Variants in KLF8 observed in about 807,000 individuals in gnomAD.
KLF8 encodes KLF transcription factor 8, also known as Krueppel-like factor 8.
In KLF8, 10 loss-of-function variants were observed where a neutral mutation model predicts 18.2. The observed-to-expected ratio is 0.55, with a 90% CI of 0.34 to 0.93. KLF8 has a LOEUF of 0.93. KLF8 is among the 40% of genes least tolerant of loss of function. The pLI, the probability that KLF8 is intolerant of heterozygous loss-of-function variation, is 0.02. For synonymous variants in KLF8, 109 were observed against 97.3 expected, an observed-to-expected ratio of 1.12 and a Z score of -0.71; for missense variants, 264 against 277.9, an observed-to-expected ratio of 0.95 and a Z score of 0.36.
At chrX:55,962,327 A>G in the KLF8 span, 1 of 187,078 alleles carries the variant, frequency 5.3e-6, no homozygotes, top group Non-Finnish European at 1.1e-5. Context: ...CAAAATTGGC[A>G]TGTTTTGTTT....
chrX:56,198,004 T>C, the KLF8 span, among the ~76,000 whole-genome samples: 1 of 112,047 alleles, frequency 8.9e-6, no homozygotes, highest in African/African-American at 3.2e-5. Context: ...ATTATCTCAA[T>C]AGATGCAGAA....
the KLF8 span, among the ~76,000 whole-genome samples, chrX:56,099,231 C>T: frequency 8.1e-5 from 9 of 111,444 alleles, no homozygotes; most frequent in East Asian, 2.8e-4. Flanking sequence ...ATATCTGTTA[C>T]GGTGATCTGT....
intron 1 of KLF8, among the ~76,000 whole-genome samples, chrX:56,240,391 AT>A (rs2066528573): frequency 8.9e-6 from 1 of 112,126 alleles, no homozygotes; most frequent in African/African-American, 3.2e-5. Context: ...GTTACAAATT[AT>A]TTGTGGTTGC....
the KLF8 span, among the ~76,000 whole-genome samples, chrX:56,160,225 C>G: frequency 8.9e-6 from 1 of 111,816 alleles, no homozygotes; most frequent in Non-Finnish European, 1.9e-5. Flanking sequence ...ATCCTGAGTT[C>G]TAGTTTGATT....
chrX:56,176,079 A>G, the KLF8 span, among the ~76,000 whole-genome samples: 1 of 111,616 alleles, frequency 9.0e-6, no homozygotes, highest in East Asian at 2.8e-4. Flanking sequence ...TTTTAATTGG[A>G]GCATTTAGCC....
chrX:56,042,316 G>A, the KLF8 span, among the ~76,000 whole-genome samples: 1 of 111,878 alleles, frequency 8.9e-6, no homozygotes, highest in African/African-American at 3.3e-5. Context: ...TTTTTAGTAA[G>A]TGCCATGTAG....
chrX:55,944,992 A>T, the KLF8 span, among the ~76,000 whole-genome samples: 2 of 109,463 alleles, frequency 1.8e-5, no homozygotes, highest in African/African-American at 3.3e-5. Flanking sequence ...CCCTCTACAC[A>T]CTGCTTTGTA....
the KLF8 span, among the ~76,000 whole-genome samples, chrX:56,055,571 CT>C: frequency 9.0e-6 from 1 of 111,469 alleles, no homozygotes; most frequent in South Asian, 3.7e-4. Flanking sequence ...AAGTATTTTA[CT>C]GGGATTCTCT....
chrX:56,203,725 G>A, the KLF8 span, among the ~76,000 whole-genome samples: 1 of 111,675 alleles, frequency 9.0e-6, no homozygotes, highest in South Asian at 3.7e-4. Flanking sequence ...TGTCAAAAAT[G>A]ACTTCACTGT....
the KLF8 span, among the ~76,000 whole-genome samples, chrX:56,070,874 T>C: frequency 8.9e-6 from 1 of 112,856 alleles, no homozygotes; most frequent in Admixed American, 9.4e-5. Flanking sequence ...TAGTCACATG[T>C]AAGCCTGATG....
At chrX:56,057,150 G>T in the KLF8 span, among the ~76,000 whole-genome samples, 1 of 111,747 alleles carries the variant, frequency 8.9e-6, no homozygotes, top group East Asian at 2.8e-4. Flanking sequence ...GTTGGCATGG[G>T]GTTGGAGCTC....
the KLF8 span, among the ~76,000 whole-genome samples, chrX:56,105,043 C>T: frequency 8.9e-6 from 1 of 111,917 alleles, no homozygotes; most frequent in Admixed American, 9.5e-5. Flanking sequence ...GTTTCTTAAT[C>T]CTGAGTTCTA....
the KLF8 span, among the ~76,000 whole-genome samples, chrX:56,073,532 T>A: frequency 9.0e-6 from 1 of 111,372 alleles, no homozygotes; most frequent in Non-Finnish European, 1.9e-5. Context: ...CTGAGTCACA[T>A]GATAATTTTA....
chrX:56,188,204 A>G, the KLF8 span, among the ~76,000 whole-genome samples: 72 of 111,129 alleles, frequency 6.5e-4, no homozygotes, highest in African/African-American at 2.1e-3. Context: ...ATGTACAAAA[A>G]TCACATTCTT....
the KLF8 span, among the ~76,000 whole-genome samples, chrX:56,114,390 C>T: frequency 7.4e-4 from 84 of 112,947 alleles, no homozygotes; most frequent in African/African-American, 2.7e-3. Context: ...TTTTAGATAT[C>T]GCTCTGCTGC....
At chrX:56,192,106 G>T in the KLF8 span, among the ~76,000 whole-genome samples, 1 of 111,806 alleles carries the variant, frequency 8.9e-6, no homozygotes, top group African/African-American at 3.2e-5. Flanking sequence ...TATAAGAACT[G>T]ATAAACAAAT....
chrX:56,094,729 A>G, the KLF8 span, among the ~76,000 whole-genome samples: 1 of 111,673 alleles, frequency 9.0e-6, no homozygotes, highest in East Asian at 2.8e-4. Context: ...ACAAATTTAA[A>G]ACAGTAAAAT....
At chrX:56,168,873 C>T in the KLF8 span, among the ~76,000 whole-genome samples, 1 of 111,168 alleles carries the variant, frequency 9.0e-6, no homozygotes, top group African/African-American at 3.3e-5. Flanking sequence ...TATATATGCC[C>T]AAATTAGTAA....
chrX:56,231,233 A>G (rs1225293324), upstream of KLF8, among the ~76,000 whole-genome samples: 2 of 111,882 alleles, frequency 1.8e-5, no homozygotes, highest in Non-Finnish European at 3.8e-5. Context: ...GGTGAACTAC[A>G]GGAGGAAGAA....
Sources: gnomAD v4.1 joint callset for allele counts (sites outside exome capture counted in the v4.1 genomes callset) on GRCh38, gnomAD v4.1.1 for gene constraint, MANE v1.5 for transcripts, NCBI Gene and HGNC (gene_info 2026-07-23, HGNC 2026-07-21) for gene names.